The following CLCN5 variants were observed in gnomAD, a reference collection of about 807,000 sequenced individuals.
CLCN5 encodes the protein Cl-/H+ antiporter 5, also known as H(+)/Cl(-) exchange transporter 5.
In CLCN5, 17 loss-of-function variants were observed where a neutral mutation model predicts 54.0. The ratio of observed to expected loss-of-function variants is 0.31; its 90% confidence interval spans 0.22 to 0.47. The LOEUF (loss-of-function observed/expected upper bound fraction) is 0.47, where lower values mean the gene tolerates loss of function less well. CLCN5 is among the 20% of genes least tolerant of loss of function. The pLI is 1.00. For missense variants in CLCN5, 448 were observed against 646.7 expected (o/e 0.69, Z 3.33); for synonymous variants, 222 against 233.0 (o/e 0.95, Z 0.43).
intron 4 of CLCN5, among the ~76,000 whole-genome samples, chrX:50,060,008 C>G (rs1932825093): frequency 9.6e-6 from 1 of 104,380 alleles, no homozygotes; most frequent in South Asian, 4.7e-4. Context: ...CTTTAGTGGT[C>G]TTCAGATACT....
At chrX:50,029,527 C>A (rs781794919) in intron 3 of CLCN5, among the ~76,000 whole-genome samples, 1 of 111,245 alleles carries the variant, frequency 9.0e-6, no homozygotes, top group South Asian at 3.9e-4. Context: ...GTATATGTGC[C>A]ACATTTTCTT....
chrX:49,934,955 A>C (rs1557169407), intron 3 of CLCN5, among the ~76,000 whole-genome samples: 1 of 111,835 alleles, frequency 8.9e-6, no homozygotes, highest in East Asian at 2.8e-4. Flanking sequence ...CTCAGCACTG[A>C]ATATTCCCAG....
rs1557193205 is a variant in CLCN5, at chrX:50,081,763, T to C, written c.849T>C (p.Pro283=). 4 of 1,211,500 alleles carry C rather than the reference T, an allele frequency of 3.3e-6. No individual in the cohort carries two copies. The highest frequency in any genetic ancestry group is 3.0e-5 in the East Asian group (1 of 33,862). ...SSGLSLGKEG[P]LVHVACCCGN... ...GCTTGAGCCTGGGCAAAGAGGGCCCTCTAGTGCACGTGGCTTGCTGCTGTG... is the reference window on the plus strand; with the variant it reads ...GCTTGAGCCTGGGCAAAGAGGGCCCCCTAGTGCACGTGGCTTGCTGCTGTG... Residue 283 remains proline (P), a synonymous_variant, in exon 9 of 15, where the codon CCT becomes CCC. Coordinates refer to ENST00000376091, the MANE Select transcript of CLCN5 (RefSeq NM_001127898.4).
chrX:49,946,042 C>T (rs782190109), intron 3 of CLCN5, among the ~76,000 whole-genome samples: 1 of 111,859 alleles, frequency 8.9e-6, no homozygotes, highest in South Asian at 3.7e-4. Context: ...CAGGCATGAG[C>T]CACTGTGCTC....
intron 3 of CLCN5, among the ~76,000 whole-genome samples, chrX:49,925,954 T>C (rs1318075100): frequency 4.5e-5 from 5 of 111,845 alleles, no homozygotes; most frequent in African/African-American, 1.6e-4. Context: ...TTTGTGCCCT[T>C]TGGAGGGTTT....
At chrX:49,960,105 T>A (rs1275308496) in intron 3 of CLCN5, among the ~76,000 whole-genome samples, 1 of 110,936 alleles carries the variant, frequency 9.0e-6, no homozygotes, top group Non-Finnish European at 1.9e-5. Flanking sequence ...CTTCTCCTGC[T>A]TCTATGTTCT....
chrX:50,006,371 G>A (rs950988572), intron 3 of CLCN5, among the ~76,000 whole-genome samples: 11 of 111,871 alleles, frequency 9.8e-5, no homozygotes, highest in Non-Finnish European at 1.5e-4. Flanking sequence ...AGTACACCTG[G>A]GCTAGGACTC....
intron 3 of CLCN5, among the ~76,000 whole-genome samples, chrX:49,986,914 G>A (rs1286563051): frequency 8.9e-6 from 1 of 111,895 alleles, no homozygotes; most frequent in African/African-American, 3.2e-5. Context: ...AGAACCAAGT[G>A]TTACATAATT....
At chrX:49,947,686 T>C (rs1444376404) in intron 3 of CLCN5, among the ~76,000 whole-genome samples, 1 of 111,531 alleles carries the variant, frequency 9.0e-6, no homozygotes, top group Non-Finnish European at 1.9e-5. Context: ...CAATTATACC[T>C]CTTTTCTTCT....
At chrX:49,959,341 A>G (rs1464072700) in intron 3 of CLCN5, among the ~76,000 whole-genome samples, 13 of 111,696 alleles carry the variant, frequency 1.2e-4, no homozygotes, top group Admixed American at 3.8e-4. Context: ...AGTTCCTCTC[A>G]TTGCTTTCTC....
chrX:50,081,259 C>T (rs1933687097), intron 8 of CLCN5, among the ~76,000 whole-genome samples: 1 of 109,740 alleles, frequency 9.1e-6, no homozygotes, highest in South Asian at 4.0e-4. Flanking sequence ...CAAGACTATA[C>T]CTAACCTTTA....
At chrX:50,066,199 G>A (rs1557190825) in intron 4 of CLCN5, among the ~76,000 whole-genome samples, 3 of 79,664 alleles carry the variant, frequency 3.8e-5, no homozygotes, top group African/African-American at 8.7e-5. Context: ...AGAAATTCCA[G>A]AGCAAAAAAA....
chrX:50,072,296 T>C (rs1173686853), intron 5 of CLCN5, among the ~76,000 whole-genome samples, 193 bp from the exon 6 acceptor site: 2 of 111,786 alleles, frequency 1.8e-5, no homozygotes, highest in Non-Finnish European at 3.8e-5. Flanking sequence ...ATTACAATAC[T>C]GTAGATGAAG....
chrX:49,937,917 G>A (rs931559780), intron 3 of CLCN5, among the ~76,000 whole-genome samples: 5 of 111,436 alleles, frequency 4.5e-5, no homozygotes, highest in African/African-American at 1.3e-4. Flanking sequence ...GATAATGTTT[G>A]GATTAAGTTA....
At chrX:50,064,150 T>A (rs1434533689) in intron 4 of CLCN5, among the ~76,000 whole-genome samples, 29 of 108,783 alleles carry the variant, frequency 2.7e-4, no homozygotes, top group Non-Finnish European at 3.8e-4. Context: ...GTGTTGGAAG[T>A]TCTGGCCAGG....
At position 50,080,725 on chromosome X, in the gene CLCN5, C is replaced by T; in HGVS notation, c.726+9C>T. 8.4e-7 allele frequency: 1 copy of T among 1,192,992 alleles called. No homozygotes were observed. Among genetic ancestry groups the T allele is most frequent in the Non-Finnish European group, 1.1e-6 (1 of 879,606 alleles). On this transcript the variant is annotated intron_variant, in intron 8 of 14. Transcript: ENST00000376091. ...GCTCTGGAATCCCTGAGGTGAGTCT[C>T]TTAAAATGGTTTATAAATGGTTACA... is the stretch of plus-strand genomic sequence containing the variant.
At chrX:50,030,388 G>A (rs1557185692) in intron 3 of CLCN5, among the ~76,000 whole-genome samples, 1 of 111,599 alleles carries the variant, frequency 9.0e-6, no homozygotes. Context: ...TAGGAATGCA[G>A]TTTTTAGTAG....
At chrX:50,011,960 G>A (rs1432224100) in intron 3 of CLCN5, among the ~76,000 whole-genome samples, 8 of 111,171 alleles carry the variant, frequency 7.2e-5, no homozygotes, top group East Asian at 2.9e-4. Flanking sequence ...TGCATAGAGC[G>A]AAGAACACCT....
intron 7 of CLCN5, 63 bp from the exon 8 acceptor site, chrX:50,080,531 A>G: frequency 9.4e-7 from 1 of 1,064,584 alleles, no homozygotes; most frequent in Non-Finnish European, 1.3e-6. Flanking sequence ...ATTACTCAGA[A>G]GAGCTGCATG....
Sources: allele counts gnomAD v4.1 joint callset (sites outside exome capture counted in the v4.1 genomes callset), GRCh38; gene constraint gnomAD v4.1.1; transcripts MANE v1.5; gene names NCBI Gene and HGNC (gene_info 2026-07-23, HGNC 2026-07-21).